The following KALRN variants were observed in gnomAD, a reference collection of about 807,000 sequenced individuals.
KALRN encodes the protein kalirin RhoGEF kinase, also known as kalirin.
Under a neutral mutation model 353.7 loss-of-function variants are expected in KALRN, and 70 were observed. The ratio of observed to expected loss-of-function variants is 0.20; its 90% CI spans 0.16 to 0.24. KALRN has a LOEUF of 0.24. Ranked by LOEUF, KALRN falls within the 10% of genes least tolerant of loss-of-function variation. The probability of loss-of-function intolerance (pLI) is 1.00; values close to 1 mark genes in which losing one functional copy is unlikely to be tolerated. For missense variants in KALRN, 2,791 were observed against 3,756.7 expected, an observed-to-expected ratio of 0.74 and a Z score of 6.72; for synonymous variants, 1,391 against 1,434.8, an observed-to-expected ratio of 0.97 and a Z score of 0.69.
chr3:124,398,909 A>AAGCACTTCTTGGCCAG lies in KALRN; in HGVS notation c.2346+38_2346+39insAGCACTTCTTGGCCAG, dbSNP rs766635100. ...CAGGAGGGGAGGTGGAGAGGGGCCA[A>AAGCACTTCTTGGCCAG]GAAGTGCTTCCTGGCCAAGGGCACT... is the stretch of plus-strand genomic sequence containing the variant. On this transcript the variant is annotated intron_variant, in intron 13 of 59. Coordinates refer to ENST00000682506, the MANE Select transcript of KALRN (RefSeq NM_001388419.1). 4.0e-5 allele frequency: 63 copies of AAGCACTTCTTGGCCAG among 1,562,964 alleles called. 1 individual carries two copies. The highest frequency in any genetic ancestry group is 5.5e-5 in the Non-Finnish European group (63 of 1,154,202).
chr3:124,628,901 C>A (rs77569241), intron 34 of KALRN, among the ~76,000 whole-genome samples: 5,236 of 152,056 alleles, frequency 0.034, 113 homozygotes, highest in East Asian at 0.09. Context: ...TATCCTTTCA[C>A]CCTATTTCAG....
intron 21 of KALRN, among the ~76,000 whole-genome samples, chr3:124,450,171 G>T (rs1012114619): frequency 6.6e-6 from 1 of 152,194 alleles, no homozygotes; most frequent in Non-Finnish European, 1.5e-5. Flanking sequence ...CCAGCAGTTT[G>T]TGAGGGTTCC....
At chr3:124,415,904 G>A (rs778865144) in intron 14 of KALRN, among the ~76,000 whole-genome samples, 9 of 152,208 alleles carry the variant, frequency 5.9e-5, no homozygotes, top group Non-Finnish European at 1.2e-4. Context: ...CAGGTAAATG[G>A]TGTGTACATT....
chr3:124,593,920 TG>T (rs1303343241), intron 34 of KALRN, among the ~76,000 whole-genome samples: 1 of 152,116 alleles, frequency 6.6e-6, no homozygotes, highest in East Asian at 1.9e-4. Flanking sequence ...CTCTAACTCC[TG>T]GGTTCAAGTA....
chr3:124,567,682 G>T (rs1169728886), intron 34 of KALRN, among the ~76,000 whole-genome samples: 2 of 152,096 alleles, frequency 1.3e-5, no homozygotes, highest in Non-Finnish European at 2.9e-5. Flanking sequence ...TTCCAACTCT[G>T]GATGCACCTT....
intron 17 of KALRN, among the ~76,000 whole-genome samples, chr3:124,438,160 G>A (rs1479975429): frequency 2.0e-5 from 3 of 152,022 alleles, no homozygotes; most frequent in Non-Finnish European, 4.4e-5. Flanking sequence ...TTTCCACTAT[G>A]GGACCCAGGC....
intron 25 of KALRN, among the ~76,000 whole-genome samples, chr3:124,463,620 A>C (rs1221774816): frequency 6.6e-6 from 1 of 152,210 alleles, no homozygotes; most frequent in Non-Finnish European, 1.5e-5. Flanking sequence ...TAATTTTAAT[A>C]GATTCAGATT....
intron 1 of KALRN, among the ~76,000 whole-genome samples, chr3:124,066,123 T>C (rs1480511060): frequency 6.6e-6 from 1 of 152,176 alleles, no homozygotes. Context: ...GTCATCAGGC[T>C]AGGTGGGAGA....
intron 10 of KALRN, among the ~76,000 whole-genome samples, chr3:124,348,166 G>A (rs1209422940): frequency 6.7e-6 from 1 of 149,306 alleles, no homozygotes; most frequent in Non-Finnish European, 1.5e-5. Flanking sequence ...GGCAGGGAGG[G>A]TGCCCATATG....
intron 1 of KALRN, among the ~76,000 whole-genome samples, chr3:124,101,008 A>T (rs1216641206): frequency 6.6e-6 from 1 of 152,252 alleles, no homozygotes; most frequent in Non-Finnish European, 1.5e-5. Context: ...TGAACGAAAA[A>T]CAAGTCACTA....
intron 1 of KALRN, among the ~76,000 whole-genome samples, chr3:124,142,293 A>T (rs2066726907): frequency 6.6e-6 from 1 of 152,180 alleles, no homozygotes; most frequent in Non-Finnish European, 1.5e-5. Flanking sequence ...CAGGTCCAGC[A>T]CTCAGTCCTG....
chr3:124,557,587 C>A (rs964398659), intron 33 of KALRN, among the ~76,000 whole-genome samples: 1 of 152,132 alleles, frequency 6.6e-6, no homozygotes, highest in Admixed American at 6.6e-5. Flanking sequence ...TAGATATGCT[C>A]CAGCTTTACA....
intron 10 of KALRN, among the ~76,000 whole-genome samples, chr3:124,363,425 C>G (rs1018710261): frequency 2.0e-5 from 3 of 152,304 alleles, no homozygotes; most frequent in Non-Finnish European, 4.4e-5. Flanking sequence ...CTAACCTTGC[C>G]AAGCCTCAGT....
chr3:124,041,774 G>C (rs1019548591), intron 1 of KALRN, among the ~76,000 whole-genome samples: 1 of 152,170 alleles, frequency 6.6e-6, no homozygotes. Context: ...GACTGGCAGC[G>C]AAAATAACTA....
chr3:124,094,896 T>C (rs1381756344), intron 1 of KALRN: 1 of 1,613,882 alleles, frequency 6.2e-7, no homozygotes, highest in South Asian at 1.1e-5. Flanking sequence ...CTCCGGCTGC[T>C]GGATCGAGGT....
intron 34 of KALRN, among the ~76,000 whole-genome samples, chr3:124,631,819 C>T (rs2080817733): frequency 6.6e-6 from 1 of 152,234 alleles, no homozygotes; most frequent in Admixed American, 6.5e-5. Context: ...TGCTTGTTGA[C>T]CCAGCTCCCA....
chr3:124,093,257 G>C (rs2061232325), intron 1 of KALRN, among the ~76,000 whole-genome samples: 2 of 152,192 alleles, frequency 1.3e-5, no homozygotes, highest in Admixed American at 6.5e-5. Context: ...CTGGTGCTGA[G>C]GGAGACATGC....
chr3:124,702,023 C>G lies in KALRN; in HGVS notation c.7997-15C>G, dbSNP rs777329705. 2 of 1,606,976 alleles carry G rather than the reference C, an allele frequency of 1.2e-6. No individual in the cohort carries two copies. The highest frequency in any genetic ancestry group is 2.7e-5 in the African/African-American group (2 of 74,754). Reference sequence around the variant, plus strand: ...ACATCCTCGATATTGTAAATGGATTCTCTTTCTTCCGAAGATGCTGCTGCT... The same window carrying G: ...ACATCCTCGATATTGTAAATGGATTGTCTTTCTTCCGAAGATGCTGCTGCT... On this transcript the variant is annotated splice_polypyrimidine_tract_variant and intron_variant, in intron 56 of 59. Coordinates refer to ENST00000682506, the MANE Select transcript of KALRN (RefSeq NM_001388419.1).
chr3:124,724,556 A>T lies in KALRN; in HGVS notation c.*5086A>T, dbSNP rs2063397153. ...CAGAGCTCACACACGCTCCATCAAGAAAAGGAAAGCTACTATGTTAATATT... is the reference window on the plus strand; with the variant it reads ...CAGAGCTCACACACGCTCCATCAAGTAAAGGAAAGCTACTATGTTAATATT... On this transcript the variant is annotated 3_prime_UTR_variant, in exon 60 of 60. Coordinates refer to ENST00000682506, the MANE Select transcript of KALRN (RefSeq NM_001388419.1). 6.6e-6 allele frequency: 1 copy of T among 152,232 alleles called. No individual in the cohort carries two copies. 9.4% of individuals were successfully genotyped at this position (152,232 alleles called of 1,614,324 possible).
Sources: gnomAD v4.1 joint callset for allele counts (sites outside exome capture counted in the v4.1 genomes callset) on GRCh38, gnomAD v4.1.1 for gene constraint, MANE v1.5 for transcripts, NCBI Gene and HGNC (gene_info 2026-07-23, HGNC 2026-07-21) for gene names.